The following DLGAP1 variants were observed in gnomAD, a reference collection of about 807,000 sequenced individuals.
The protein encoded by DLGAP1 is disks large-associated protein 1.
Under a neutral mutation model 90.8 loss-of-function variants are expected in DLGAP1, and 11 were observed. The observed-to-expected ratio is 0.12, with a 90% CI of 0.08 to 0.20. DLGAP1 has a LOEUF of 0.20. Ranked by LOEUF, DLGAP1 falls within the 10% of genes least tolerant of loss-of-function variation. DLGAP1 has a pLI of 1.00. For missense variants in DLGAP1, 1,050 were observed against 1,333.8 expected (o/e 0.79, Z 3.31); for synonymous variants, 558 against 540.7 (o/e 1.03, Z -0.44).
At chr18:4,210,442 C>T (rs536128765) in intron 1 of DLGAP1, among the ~76,000 whole-genome samples, 12 of 152,206 alleles carry the variant, frequency 7.9e-5, no homozygotes, top group South Asian at 4.1e-4. Context: ...CACTACTGAT[C>T]GGAAAAGTAG....
At chr18:4,393,757 G>GTT (rs1433747033) in intron 1 of DLGAP1, among the ~76,000 whole-genome samples, 1 of 152,196 alleles carries the variant, frequency 6.6e-6, no homozygotes, top group Non-Finnish European at 1.5e-5. Flanking sequence ...ATGGAAGACA[G>GTT]TTTTTCCACA....
intron 3 of DLGAP1, among the ~76,000 whole-genome samples, chr18:3,899,175 G>C (rs1323419087): frequency 6.6e-6 from 1 of 152,188 alleles, no homozygotes; most frequent in African/African-American, 2.4e-5. Context: ...ACACTTCACT[G>C]GGTGGCATCC....
At chr18:3,857,662 C>T (rs898336465) in intron 4 of DLGAP1, among the ~76,000 whole-genome samples, 1 of 152,122 alleles carries the variant, frequency 6.6e-6, no homozygotes, top group Non-Finnish European at 1.5e-5. Context: ...ATTTTTATGA[C>T]CTTTCTTAGT....
At chr18:3,903,624 T>C (rs1464564988) in intron 3 of DLGAP1, among the ~76,000 whole-genome samples, 1 of 152,152 alleles carries the variant, frequency 6.6e-6, no homozygotes, top group Non-Finnish European at 1.5e-5. Context: ...ATAAGAGCCA[T>C]ATTTACAGCA....
intron 3 of DLGAP1, among the ~76,000 whole-genome samples, chr18:3,996,768 T>G (rs1221297138): frequency 6.6e-6 from 1 of 152,052 alleles, no homozygotes; most frequent in Admixed American, 6.5e-5. Flanking sequence ...ATTGAAAAAT[T>G]GAAAATATAT....
In DLGAP1 at chr18:3,769,221, C is replaced by A. The variant is rs1245479083; in HGVS notation, c.1173-26709G>T. On this transcript the variant is annotated intron_variant, in intron 5 of 12. Transcript: ENST00000315677. ...TAGTACTCCACTCCTATCATAATGA[C>A]TACAACAAAAAATTAATGACAGCAA... is the stretch of plus-strand genomic sequence containing the variant. Among the ~76,000 whole-genome samples, 4 of 152,070 alleles carry A rather than the reference C, an allele frequency of 2.6e-5. No individual in the cohort carries two copies. The East Asian group carries it at 7.7e-4, about 29-fold the overall frequency.
At chr18:3,511,121 C>T (rs115810991) in intron 10 of DLGAP1, among the ~76,000 whole-genome samples, 2,821 of 152,224 alleles carry the variant, frequency 0.019, 91 homozygotes, top group African/African-American at 0.064. Context: ...CGTTCCTAGG[C>T]CCAGGGTGGG....
chr18:3,947,740 A>T (rs1397376238), intron 3 of DLGAP1, among the ~76,000 whole-genome samples: 1 of 152,150 alleles, frequency 6.6e-6, no homozygotes, highest in Non-Finnish European at 1.5e-5. Flanking sequence ...ACATTTCCTT[A>T]CTAGCTAATC....
At chr18:4,310,366 T>G (rs1457674303) in intron 1 of DLGAP1, among the ~76,000 whole-genome samples, 1 of 152,208 alleles carries the variant, frequency 6.6e-6, no homozygotes, top group African/African-American at 2.4e-5. Context: ...ACAAAACAAC[T>G]GGTGCTTTGA....
intron 1 of DLGAP1, among the ~76,000 whole-genome samples, chr18:4,187,835 A>C (rs2077325887): frequency 1.3e-5 from 2 of 152,026 alleles, no homozygotes; most frequent in Non-Finnish European, 2.9e-5. Flanking sequence ...TGTCTCTATT[A>C]AAAATACAAA....
intron 10 of DLGAP1, among the ~76,000 whole-genome samples, chr18:3,522,202 T>C (rs1158907282): frequency 2.8e-5 from 4 of 142,986 alleles, no homozygotes; most frequent in African/African-American, 1.0e-4. Flanking sequence ...AATAGTACCA[T>C]GTCGGCTCAC....
chr18:3,684,420 G>A (rs1389035937), intron 7 of DLGAP1, among the ~76,000 whole-genome samples: 1 of 141,740 alleles, frequency 7.1e-6, no homozygotes, highest in African/African-American at 2.6e-5. Context: ...GGCTGGTCTT[G>A]AACTCTTGAG....
intron 1 of DLGAP1, among the ~76,000 whole-genome samples, chr18:4,349,311 C>T (rs999360408): frequency 6.6e-6 from 1 of 152,132 alleles, no homozygotes; most frequent in Non-Finnish European, 1.5e-5. Context: ...GGCCAGCACT[C>T]TTCAAAGTTG....
At chr18:4,453,725 T>TA (rs2083892866) in intron 1 of DLGAP1, among the ~76,000 whole-genome samples, 1 of 152,186 alleles carries the variant, frequency 6.6e-6, no homozygotes, top group Admixed American at 6.5e-5. Context: ...GATCTGTCTT[T>TA]AATTGGTACT....
chr18:3,925,241 C>T (rs1364483286), intron 3 of DLGAP1, among the ~76,000 whole-genome samples: 1 of 151,968 alleles, frequency 6.6e-6, no homozygotes. Context: ...GTGTGAGCCA[C>T]TGCGCCCAGC....
chr18:3,537,050 G>A (rs972706266), intron 9 of DLGAP1, among the ~76,000 whole-genome samples: 9 of 151,440 alleles, frequency 5.9e-5, no homozygotes, highest in African/African-American at 1.9e-4. Flanking sequence ...TTTTAAAGTC[G>A]CTTCCTGGCC....
intron 1 of DLGAP1, among the ~76,000 whole-genome samples, chr18:4,376,403 C>T (rs2082015233): frequency 6.6e-6 from 1 of 152,118 alleles, no homozygotes; most frequent in South Asian, 2.1e-4. Context: ...CTGTGTTCTT[C>T]CTCCCTTTGC....
chr18:4,215,807 G>A (rs1233688202), intron 1 of DLGAP1, among the ~76,000 whole-genome samples: 2 of 152,104 alleles, frequency 1.3e-5, no homozygotes, highest in African/African-American at 4.8e-5. Flanking sequence ...ATCTCTGGCA[G>A]TGCATCTCCT....
intron 7 of DLGAP1, among the ~76,000 whole-genome samples, chr18:3,647,592 A>C (rs1232706773): frequency 1.3e-5 from 2 of 151,792 alleles, no homozygotes; most frequent in African/African-American, 4.8e-5. Flanking sequence ...TAGCCTCCCG[A>C]GTACCTGGGA....
Sources: allele counts gnomAD v4.1 joint callset (sites outside exome capture counted in the v4.1 genomes callset), GRCh38; gene constraint gnomAD v4.1.1; transcripts MANE v1.5; gene names NCBI Gene and HGNC (gene_info 2026-07-23, HGNC 2026-07-21).